The following CAMK4 variants were observed in gnomAD, a reference collection of about 807,000 sequenced individuals.
CAMK4 encodes the protein calcium/calmodulin dependent protein kinase IV, also known as calcium/calmodulin-dependent protein kinase type IV.
CAMK4 carries 22 observed loss-of-function variants against 44.9 expected under a neutral mutation model. That is an observed-to-expected ratio of 0.49 (90% confidence interval 0.35 to 0.70). The LOEUF is 0.70. Ranked by LOEUF, CAMK4 falls within the 30% of genes least tolerant of loss-of-function variation. The pLI, the probability that CAMK4 is intolerant of heterozygous loss-of-function variation, is 0.01. For synonymous variants in CAMK4, 218 were observed against 215.4 expected (o/e 1.01, Z -0.11); for missense variants, 498 against 586.8 (o/e 0.85, Z 1.56).
chr5:111,223,700 C>T (rs1748028550), upstream of CAMK4: 1 of 152,366 alleles, frequency 6.6e-6, no homozygotes, highest in Admixed American at 6.5e-5. This position sits in a 1 kb window ranked among gnomAD's most constrained non-coding sequence, Gnocchi z 4.3. Context: ...GAAGACTTCA[C>T]TCAAAGGTGA....
chr5:111,412,109 TAGTA>T (rs557952440), intron 5 of CAMK4, among the ~76,000 whole-genome samples: 4 of 152,020 alleles, frequency 2.6e-5, no homozygotes, highest in Non-Finnish European at 5.9e-5. Flanking sequence ...GAACTAAAAA[TAGTA>T]AAGTGCAGAA....
chr5:111,343,300 C>G (rs1259191026), intron 1 of CAMK4, among the ~76,000 whole-genome samples: 1 of 151,692 alleles, frequency 6.6e-6, no homozygotes. Context: ...CAAAGTCTGA[C>G]AAGTTTACTG....
chr5:111,294,630 T>C (rs1278396959), intron 1 of CAMK4, among the ~76,000 whole-genome samples: 3 of 152,132 alleles, frequency 2.0e-5, no homozygotes, highest in African/African-American at 7.2e-5. Context: ...AAGACACAAC[T>C]GATGCACATG....
intron 1 of CAMK4, among the ~76,000 whole-genome samples, chr5:111,296,141 G>A (rs1324220896): frequency 3.3e-5 from 5 of 152,120 alleles, no homozygotes; most frequent in Non-Finnish European, 5.9e-5. Flanking sequence ...CACCCTCTCA[G>A]TATCCCACCT....
intron 9 of CAMK4, 109 bp downstream of exon 9, chr5:111,478,616 T>G: frequency 2.1e-6 from 1 of 486,844 alleles, no homozygotes; most frequent in South Asian, 3.8e-5. Context: ...CCATATTTTC[T>G]TTCAATTTTA....
At chr5:111,479,546 A>C (rs1755360298) in intron 9 of CAMK4, among the ~76,000 whole-genome samples, 1 of 152,218 alleles carries the variant, frequency 6.6e-6, no homozygotes, top group African/African-American at 2.4e-5. Flanking sequence ...GGAGGCATCT[A>C]GTCCTCCTCT....
chr5:111,355,735 G>A (rs1750319607), intron 2 of CAMK4, among the ~76,000 whole-genome samples: 1 of 149,738 alleles, frequency 6.7e-6, no homozygotes, highest in Non-Finnish European at 1.5e-5. Flanking sequence ...TCCCATCTAT[G>A]AGTGAGAACA....
At chr5:111,267,651 C>T (rs867007259) in intron 1 of CAMK4, among the ~76,000 whole-genome samples, 30 of 129,432 alleles carry the variant, frequency 2.3e-4, no homozygotes, top group African/African-American at 5.6e-4. Flanking sequence ...TTGCAGTGAG[C>T]GGAGATCGTG....
At chr5:111,231,727 TA>T (rs1354998901) in intron 1 of CAMK4, among the ~76,000 whole-genome samples, 3 of 152,238 alleles carry the variant, frequency 2.0e-5, no homozygotes, top group African/African-American at 7.2e-5. Flanking sequence ...TTTGTTAACC[TA>T]AATTTATTTA....
At chr5:111,224,329 C>A (rs1487195540), upstream of CAMK4, 1 of 1,132,404 alleles carries the variant, frequency 8.8e-7, no homozygotes, top group Non-Finnish European at 1.1e-6. This position sits in a 1 kb window ranked among gnomAD's most constrained non-coding sequence, Gnocchi z 5.7. Flanking sequence ...CGCCCACCGT[C>A]CCTGCGAGCG....
rs1384036242 is a variant in CAMK4 at position 111,312,140 on chromosome 5, A to G, written c.162-31884A>G. Among the ~76,000 whole-genome samples, 6 of 152,258 alleles carry G rather than the reference A, an allele frequency of 3.9e-5. No homozygotes were observed. In the East Asian group the frequency reaches 7.7e-4, roughly 20 times the overall value. ...AATAACTCTATTTCATTGTGAGGTG[A>G]TGCACCCTGCAACCTGGCCAAATGC... On this transcript the variant is annotated intron_variant, in intron 1 of 10. Transcript: ENST00000282356.
chr5:111,472,033 C>T (rs941348489), intron 7 of CAMK4, among the ~76,000 whole-genome samples: 9 of 152,104 alleles, frequency 5.9e-5, no homozygotes, highest in African/African-American at 2.2e-4. Context: ...GCTGGGATTA[C>T]AGGCACCTAC....
chr5:111,262,967 G>A (rs576509551), intron 1 of CAMK4, among the ~76,000 whole-genome samples: 1 of 152,320 alleles, frequency 6.6e-6, no homozygotes, highest in South Asian at 2.1e-4. Flanking sequence ...GTATCCCTTA[G>A]AGTGAGTCTT....
intron 5 of CAMK4, among the ~76,000 whole-genome samples, chr5:111,405,731 C>G (rs1036795225): frequency 9.9e-5 from 15 of 152,060 alleles, no homozygotes; most frequent in Non-Finnish European, 1.8e-4. Context: ...ATGAAGAGGT[C>G]CTGAGGGACT....
intron 1 of CAMK4, among the ~76,000 whole-genome samples, chr5:111,329,389 TGG>T (rs1435148549): frequency 6.6e-6 from 1 of 151,756 alleles, no homozygotes; most frequent in African/African-American, 2.4e-5. Flanking sequence ...GCAATCAGGC[TGG>T]AGAAGGAAAT....
At chr5:111,251,894 C>CT (rs3066630) in intron 1 of CAMK4, among the ~76,000 whole-genome samples, 7 of 150,038 alleles carry the variant, frequency 4.7e-5, no homozygotes, top group South Asian at 2.1e-4. Context: ...GGTTCACTGA[C>CT]TTTTTTTTTT....
At chr5:111,368,982 A>G (rs939452124) in intron 2 of CAMK4, among the ~76,000 whole-genome samples, 8 of 150,906 alleles carry the variant, frequency 5.3e-5, no homozygotes, top group Non-Finnish European at 1.0e-4. Context: ...GTATAATGTT[A>G]AATTTTTTGG....
intron 1 of CAMK4, among the ~76,000 whole-genome samples, chr5:111,308,500 A>T (rs1341184619): frequency 1.3e-5 from 2 of 152,202 alleles, no homozygotes; most frequent in Non-Finnish European, 2.9e-5. Context: ...TTTCATTCAA[A>T]GATATTTATC....
chr5:111,465,406 T>A (rs1754790962), intron 7 of CAMK4, among the ~76,000 whole-genome samples: 1 of 151,616 alleles, frequency 6.6e-6, no homozygotes, highest in South Asian at 2.1e-4. Flanking sequence ...AAAAAATAAA[T>A]GAAACTAAAA....
Sources: allele counts gnomAD v4.1 joint callset (sites outside exome capture counted in the v4.1 genomes callset), GRCh38; gene constraint gnomAD v4.1.1; non-coding constraint Gnocchi (gnomAD v3.1); transcripts MANE v1.5; gene names NCBI Gene and HGNC (gene_info 2026-07-23, HGNC 2026-07-21).